The following NELL1 variants were observed in gnomAD, a reference collection of about 807,000 sequenced individuals.
NELL1 encodes the protein protein kinase C-binding protein NELL1.
Under a neutral mutation model 107.4 loss-of-function variants are expected in NELL1, and 76 were observed. That is an observed-to-expected ratio of 0.71 (90% CI 0.59 to 0.86). The LOEUF is 0.86. Among genes scored for constraint, NELL1 ranks in the 40% least tolerant of loss-of-function variants. The pLI is 0.00. For synonymous variants in NELL1, 353 were observed against 341.2 expected (o/e 1.03, Z -0.38); for missense variants, 1,024 against 1,005.5 (o/e 1.02, Z -0.25).
chr11:21,251,901 T>C (rs767387996), intron 14 of NELL1, among the ~76,000 whole-genome samples: 78 of 152,068 alleles, frequency 5.1e-4, no homozygotes, highest in Non-Finnish European at 4.0e-4. Flanking sequence ...ACAACTTCAA[T>C]GATAGAGCTT....
intron 14 of NELL1, among the ~76,000 whole-genome samples, chr11:21,280,959 A>T (rs1213752615): frequency 6.6e-6 from 1 of 151,940 alleles, no homozygotes; most frequent in Non-Finnish European, 1.5e-5. Flanking sequence ...CAGGCAACCT[A>T]TTGAGACACC....
At chr11:21,046,894 T>C (rs968253100) in intron 12 of NELL1, among the ~76,000 whole-genome samples, 5 of 151,506 alleles carry the variant, frequency 3.3e-5, no homozygotes, top group African/African-American at 1.2e-4. Context: ...TTTTTTTTTT[T>C]TTTGTAGAGA....
intron 2 of NELL1, among the ~76,000 whole-genome samples, chr11:20,699,424 G>A (rs945928106): frequency 2.0e-5 from 3 of 151,224 alleles, no homozygotes; most frequent in African/African-American, 4.9e-5. Context: ...GCAGTGGTGC[G>A]ATCTCCGCTC....
chr11:21,123,156 T>A (rs1234766423), intron 13 of NELL1, among the ~76,000 whole-genome samples: 1 of 152,196 alleles, frequency 6.6e-6, no homozygotes, highest in Non-Finnish European at 1.5e-5. Flanking sequence ...TTTATTGTCA[T>A]GTCTCATTAA....
At chr11:20,784,215 C>T (rs181345337) in intron 3 of NELL1, among the ~76,000 whole-genome samples, 246 of 152,202 alleles carry the variant, frequency 1.6e-3, no homozygotes, top group African/African-American at 5.4e-3. Flanking sequence ...TGATCTTCAT[C>T]GCAAAGATCA....
At chr11:20,901,318 C>T (rs1590396721) in intron 5 of NELL1, among the ~76,000 whole-genome samples, 1 of 151,858 alleles carries the variant, frequency 6.6e-6, no homozygotes, top group Non-Finnish European at 1.5e-5. Context: ...ACAGCAATAA[C>T]AAAAACTGCA....
Position 20,949,317 on chromosome 11 carries a change from G to A in NELL1, c.1171+1882G>A, listed in dbSNP as rs1037552542. ...TTTAGTGTGTTGATAGCCAGAAATG[G>A]CCCCTAGAATTAGTGATAGGCTAAC... On this transcript the variant is annotated intron_variant, in intron 11 of 19. Coordinates refer to ENST00000357134, the MANE Select transcript of NELL1 (RefSeq NM_006157.5). Among the ~76,000 whole-genome samples, 18 of 152,234 alleles carry A rather than the reference G, an allele frequency of 1.2e-4. 1 individual carries two copies. The highest frequency in any genetic ancestry group is 3.4e-3 in the Middle Eastern group (1 of 294).
rs1053261942 is a variant in NELL1, at chr11:20,704,332, CT to C, written c.184+26280del. ...TCAGAGACTAGGATTGCAACCCTTG[CT>C]TTTTTTTGTTTTCCATTTGCTTGGC... is the stretch of plus-strand genomic sequence containing the variant. On this transcript the variant is annotated intron_variant, in intron 2 of 19. Transcript: ENST00000357134. Among the ~76,000 whole-genome samples the C allele has an allele frequency of 7.1e-3, 1,074 of 151,612 alleles. 8 individuals are homozygous for C. Among genetic ancestry groups the C allele is most frequent in the African/African-American group, 0.025 (1,025 of 41,110 alleles).
At chr11:21,515,423 G>A (rs910270925) in intron 15 of NELL1, among the ~76,000 whole-genome samples, 1 of 152,070 alleles carries the variant, frequency 6.6e-6, no homozygotes, top group Non-Finnish European at 1.5e-5. Context: ...ATTCTCTGTG[G>A]GGGGCCTTCC....
chr11:21,029,377 T>C (rs1852897089), intron 12 of NELL1, among the ~76,000 whole-genome samples: 1 of 152,174 alleles, frequency 6.6e-6, no homozygotes, highest in African/African-American at 2.4e-5. Context: ...ATTTGGTGTC[T>C]GTGTAACACA....
At chr11:20,755,888 T>G (rs11025743) in intron 2 of NELL1, among the ~76,000 whole-genome samples, 14,287 of 48,148 alleles carry the variant, frequency 0.3, 1,372 homozygotes, top group Middle Eastern at 0.46. Flanking sequence ...TTTTTTTTTT[T>G]TTTTTTTTTT....
chr11:21,008,000 T>G (rs575069686), intron 12 of NELL1, among the ~76,000 whole-genome samples: 3 of 152,200 alleles, frequency 2.0e-5, no homozygotes, highest in Non-Finnish European at 4.4e-5. Context: ...TCAGAGTGAT[T>G]TTATAAATCA....
At chr11:21,331,845 C>T (rs762021461) in intron 14 of NELL1, among the ~76,000 whole-genome samples, 11 of 152,068 alleles carry the variant, frequency 7.2e-5, no homozygotes, top group Non-Finnish European at 1.2e-4. Context: ...CTCTTAATTG[C>T]TTATTGTTGA....
At chr11:21,486,006 G>A (rs1265313432) in intron 15 of NELL1, among the ~76,000 whole-genome samples, 1 of 152,034 alleles carries the variant, frequency 6.6e-6, no homozygotes, top group East Asian at 1.9e-4. Context: ...CACAGCCACC[G>A]CCAACATCAC....
intron 12 of NELL1, among the ~76,000 whole-genome samples, chr11:21,030,223 G>C (rs1037427450): frequency 1.3e-5 from 2 of 152,178 alleles, no homozygotes; most frequent in Admixed American, 6.6e-5. Context: ...CATGTCGGAT[G>C]TAGGAACTGT....
chr11:21,246,868 T>C (rs892953661), intron 14 of NELL1, among the ~76,000 whole-genome samples: 1 of 152,180 alleles, frequency 6.6e-6, no homozygotes, highest in Admixed American at 6.5e-5. Flanking sequence ...AAATCTCTTA[T>C]AAAATCATCA....
chr11:20,822,656 A>T (rs1370425376), intron 3 of NELL1, among the ~76,000 whole-genome samples: 1 of 152,170 alleles, frequency 6.6e-6, no homozygotes, highest in Non-Finnish European at 1.5e-5. Flanking sequence ...TAGTTCTTAC[A>T]GTCCTTCATG....
At chr11:20,886,261 TA>T (rs900910907) in intron 5 of NELL1, among the ~76,000 whole-genome samples, 1 of 151,940 alleles carries the variant, frequency 6.6e-6, no homozygotes, top group African/African-American at 2.4e-5. Context: ...AAATTTTTTT[TA>T]AAAAAACTGC....
intron 15 of NELL1, among the ~76,000 whole-genome samples, chr11:21,523,728 A>T (rs188684482): frequency 6.6e-6 from 1 of 152,160 alleles, no homozygotes; most frequent in Non-Finnish European, 1.5e-5. Context: ...GTAGTTAACT[A>T]GGCTCCTCAT....
Sources: gnomAD v4.1 joint callset for allele counts (sites outside exome capture counted in the v4.1 genomes callset) on GRCh38, gnomAD v4.1.1 for gene constraint, MANE v1.5 for transcripts, NCBI Gene and HGNC (gene_info 2026-07-23, HGNC 2026-07-21) for gene names.